Variants in CROCC2 observed in about 807,000 individuals in gnomAD.
The protein encoded by CROCC2 is ciliary rootlet coiled-coil protein 2.
A neutral mutation model predicts 177.6 loss-of-function variants in CROCC2; 163 were observed. That is an observed-to-expected ratio of 0.92 (90% CI 0.81 to 1.05). The LOEUF (loss-of-function observed/expected upper bound fraction) is 1.05. CROCC2 is among the 50% of genes least tolerant of loss of function. The pLI, the probability that CROCC2 is intolerant of heterozygous loss-of-function variation, is 0.00. For missense variants in CROCC2, 1,929 were observed against 1,797.8 expected, an observed-to-expected ratio of 1.07 and a Z score of -1.32; for synonymous variants, 904 against 787.3, an observed-to-expected ratio of 1.15 and a Z score of -2.48.
chr2:240,910,458 G>A (rs1333608928), intron 1 of CROCC2, among the ~76,000 whole-genome samples: 3 of 152,170 alleles, frequency 2.0e-5, no homozygotes, highest in Non-Finnish European at 4.4e-5. Context: ...GTTGAAATTG[G>A]CAAAAGTTGT....
intron 7 of CROCC2, among the ~76,000 whole-genome samples, chr2:240,931,568 G>A (rs185903818): frequency 2.0e-5 from 3 of 152,334 alleles, no homozygotes; most frequent in African/African-American, 7.2e-5. Flanking sequence ...GAGCCCCGCC[G>A]TGATTGTGGA....
Position 240,935,526 on chromosome 2 carries a change from C to T in CROCC2, c.2107C>T (p.Leu703=), listed in dbSNP as rs2059463221. Reference sequence around the variant, plus strand: ...ACGCCTGGAGCAGCGGCAGGAGCAGCTGGAGGGGCAGGCAGCCCTGCTGGG... The same window carrying T: ...ACGCCTGGAGCAGCGGCAGGAGCAGTTGGAGGGGCAGGCAGCCCTGCTGGG... ...CGRLEQRQEQ[L]EGQAALLGRE... Residue 703 remains leucine (L), a synonymous_variant, in exon 14 of 32, where the codon CTG becomes TTG. Coordinates refer to ENST00000690015, the MANE Select transcript of CROCC2 (RefSeq NM_001351305.2). 1.5e-6 allele frequency: 2 copies of T among 1,349,028 alleles called. No individual in the cohort carries two copies. Among genetic ancestry groups the T allele is most frequent in the African/African-American group, 3.1e-5 (2 of 65,452 alleles). 83.6% of individuals were successfully genotyped at this position (1,349,028 alleles called of 1,614,324 possible). A position where few individuals can be genotyped will look rare whatever the true frequency, so the allele number is the denominator to read the frequency against.
intron 20 of CROCC2, among the ~76,000 whole-genome samples, chr2:240,962,591 C>G (rs1157234228): frequency 6.6e-6 from 1 of 152,194 alleles, no homozygotes. Flanking sequence ...GACAATATCC[C>G]GTGAAAACAG....
At chr2:240,943,341 C>A (rs2059504530) in intron 14 of CROCC2, among the ~76,000 whole-genome samples, 1 of 152,108 alleles carries the variant, frequency 6.6e-6, no homozygotes, top group Non-Finnish European at 1.5e-5. Flanking sequence ...AGGCTTACCT[C>A]AAGGCATTTC....
Position 240,960,010 on chromosome 2 carries a change from G to T in CROCC2, c.3087+566G>T, listed in dbSNP as rs373206230. Among the ~76,000 whole-genome samples the T allele has an allele frequency of 2.0e-5, 3 of 152,372 alleles. No individual in the cohort carries two copies. The highest frequency in any genetic ancestry group is 4.8e-5 in the African/African-American group (2 of 41,596). On this transcript the variant is annotated intron_variant, in intron 20 of 31. Transcript: ENST00000690015. The surrounding 1 kb of genome is among the most constrained non-coding windows in gnomAD (Gnocchi z 5.0). ...AGAGCCACGCAGCCAAAGGCTCCAG[G>T]AGTCCAGCCGGCCCCCTCGTTCCAC...
At chr2:240,989,603 G>T (rs747495979) in intron 29 of CROCC2, 51 bp from the exon 30 acceptor site, 1 of 1,499,004 alleles carries the variant, frequency 6.7e-7, no homozygotes, top group Non-Finnish European at 9.0e-7. Flanking sequence ...CTGGGATTCT[G>T]TGCGGCCCTC....
chr2:240,944,900 C>T (rs147085611), intron 14 of CROCC2, among the ~76,000 whole-genome samples: 1 of 152,198 alleles, frequency 6.6e-6, no homozygotes, highest in African/African-American at 2.4e-5. Context: ...TGATGCGATT[C>T]TTCTTCCAGA....
At chr2:240,914,459 C>A (rs551938723) in intron 1 of CROCC2, among the ~76,000 whole-genome samples, 1 of 152,212 alleles carries the variant, frequency 6.6e-6, no homozygotes, top group Non-Finnish European at 1.5e-5. Context: ...AGCACTGGTC[C>A]GAGATGCCGT....
At chr2:240,961,368 A>G (rs2059632107) in intron 20 of CROCC2, among the ~76,000 whole-genome samples, 1 of 151,692 alleles carries the variant, frequency 6.6e-6, no homozygotes, top group Non-Finnish European at 1.5e-5. Context: ...CTGGAATCAC[A>G]TATGGACACC....
At position 240,917,022 on chromosome 2, in the gene CROCC2, G is replaced by A. The variant is rs1367523226; in HGVS notation, c.79-1704G>A. Among the ~76,000 whole-genome samples, 1 of 152,150 alleles carries A rather than the reference G, an allele frequency of 6.6e-6. No individual in the cohort carries two copies. Among genetic ancestry groups the A allele is most frequent in the East Asian group, 1.9e-4 (1 of 5,174 alleles). On this transcript the variant is annotated intron_variant, in intron 1 of 31. Transcript: ENST00000690015. The surrounding 1 kb of genome is among the most constrained non-coding windows in gnomAD (Gnocchi z 4.9). ...GGGACTTCCCTCCCCCTCCCCCACT[G>A]GGCTGCTGCTCCCAAGGGGGGCCCA...
At chr2:240,921,391 A>C (rs912181213) in intron 3 of CROCC2, among the ~76,000 whole-genome samples, 2 of 152,078 alleles carry the variant, frequency 1.3e-5, no homozygotes, top group Admixed American at 1.3e-4. Context: ...CACATCCGTG[A>C]GCTGCCAGCC....
intron 29 of CROCC2, 114 bp from the exon 30 acceptor site, chr2:240,989,540 A>AGAGGG: frequency 5.9e-6 from 6 of 1,011,776 alleles, no homozygotes. Context: ...CAACACCGGC[A>AGAGGG]GAGGGCAGTG....
Position 240,958,215 on chromosome 2 carries a change from A to G in CROCC2, c.2944-1086A>G, listed in dbSNP as rs2059605987. ...GCCCCTAGGCTGAGTCACCACTGCC[A>G]TCGGGCTCCCAGCCGATGCCCTGTC... On this transcript the variant is annotated intron_variant, in intron 19 of 31. Coordinates refer to ENST00000690015, the MANE Select transcript of CROCC2 (RefSeq NM_001351305.2). This position sits in a 1 kb window ranked among gnomAD's most constrained non-coding sequence, Gnocchi z 6.7. The G allele has an allele frequency of 1.0e-6, 1 of 983,924 alleles. No homozygotes were observed. Among genetic ancestry groups the G allele is most frequent in the Non-Finnish European group, 1.2e-6 (1 of 828,668 alleles). The allele number at this position is 983,924 out of a possible 1,614,324, so 60.9% of individuals were successfully genotyped here. A position where few individuals can be genotyped will look rare whatever the true frequency, so the allele number is the denominator to read the frequency against.
Position 240,950,189 on chromosome 2 carries a change from G to A in CROCC2, c.2653-145G>A, listed in dbSNP as rs192312551. 6.9e-3 allele frequency: 4,962 copies of A among 722,756 alleles called. 46 individuals are homozygous for A. Among genetic ancestry groups the A allele is most frequent in the Non-Finnish European group, 6.5e-3 (2,860 of 439,336 alleles). 44.8% of individuals were successfully genotyped at this position (722,756 alleles called of 1,614,324 possible). On this transcript the variant is annotated intron_variant, in intron 17 of 31. Transcript: ENST00000690015. The stretch of plus-strand genomic sequence containing the variant: ...GCTCTGCTGACCCTGAGGGGAAGAC[G>A]TGGGGGGTGTGCAGCTGGCTGGTCT...
intron 21 of CROCC2, 171 bp from the exon 22 acceptor site, chr2:240,964,295 T>C (rs112422531): frequency 0.018 from 13,029 of 741,794 alleles, 162 homozygotes; most frequent in Middle Eastern, 0.021. Flanking sequence ...GGGACCTGGG[T>C]GGACATATGT....
chr2:240,979,459 T>G (rs371393664), intron 27 of CROCC2, among the ~76,000 whole-genome samples: 64 of 24,556 alleles, frequency 2.6e-3, no homozygotes, highest in Admixed American at 7.1e-3. Context: ...AGCCTCAGGA[T>G]CCCAGGCTCA....
chr2:240,935,206 G>A, intron 13 of CROCC2, 144 bp downstream of exon 13: 3 of 1,213,874 alleles, frequency 2.5e-6, no homozygotes, highest in Non-Finnish European at 2.1e-6. Flanking sequence ...AGCCTGACTA[G>A]CCCTGGCCAG....
At position 240,949,150 on chromosome 2, in the gene CROCC2, G is replaced by T. The variant is rs1168983713; in HGVS notation, c.2482+53G>T. On this transcript the variant is annotated intron_variant, in intron 16 of 31. Coordinates refer to ENST00000690015, the MANE Select transcript of CROCC2 (RefSeq NM_001351305.2). The surrounding 1 kb of genome is among the most constrained non-coding windows in gnomAD (Gnocchi z 4.5). ...TTCCCCGAAAGTCAGCCATGGAGGG[G>T]CCCCTGGAATGGAGCTCAGTGCCCA... The T allele has an allele frequency of 2.0e-6, 3 of 1,477,234 alleles. No individual in the cohort carries two copies. The highest frequency in any genetic ancestry group is 2.7e-6 in the Non-Finnish European group (3 of 1,116,398). The allele number at this position is 1,477,234 out of a possible 1,614,324, so 91.5% of individuals were successfully genotyped here.
chr2:240,949,715 G>A lies in CROCC2; in HGVS notation c.2652+13G>A. Reference sequence around the variant, plus strand: ...CCAAAGGGAGAAGGTCTGCTTCCCAGGAGCCCACCAGTAGCTTCCTAGAAG... The same window carrying A: ...CCAAAGGGAGAAGGTCTGCTTCCCAAGAGCCCACCAGTAGCTTCCTAGAAG... On this transcript the variant is annotated intron_variant, in intron 17 of 31. Transcript: ENST00000690015. The surrounding 1 kb of genome is among the most constrained non-coding windows in gnomAD (Gnocchi z 4.5). 2 of 1,531,710 alleles carry A rather than the reference G, an allele frequency of 1.3e-6. No individual in the cohort carries two copies. Among genetic ancestry groups the A allele is most frequent in the Non-Finnish European group, 1.8e-6 (2 of 1,134,960 alleles). The allele number at this position is 1,531,710 out of a possible 1,614,324, so 94.9% of individuals were successfully genotyped here. A position where few individuals can be genotyped will look rare whatever the true frequency, so the allele number is the denominator to read the frequency against.
Sources: gnomAD v4.1 joint callset for allele counts (sites outside exome capture counted in the v4.1 genomes callset) on GRCh38, gnomAD v4.1.1 for gene constraint, Gnocchi (gnomAD v3.1) non-coding constraint, MANE v1.5 for transcripts, NCBI Gene and HGNC (gene_info 2026-07-23, HGNC 2026-07-21) for gene names.